GRHL3: variants seen among roughly 807,000 people sequenced by gnomAD.
GRHL3 encodes grainyhead-like protein 3 homolog.
A neutral mutation model predicts 70.3 loss-of-function variants in GRHL3; 20 were observed. That is an observed-to-expected ratio of 0.28 (90% CI 0.20 to 0.41). The LOEUF is 0.41. Ranked by LOEUF, GRHL3 falls within the 10% of genes least tolerant of loss-of-function variation. The probability of loss-of-function intolerance (pLI) is 1.00; values close to 1 mark genes in which losing one functional copy is unlikely to be tolerated. For synonymous variants in GRHL3, 299 were observed against 299.9 expected, an observed-to-expected ratio of 1.00 and a Z score of 0.03; for missense variants, 637 against 762.3, an observed-to-expected ratio of 0.84 and a Z score of 1.94.
At chr1:24,328,968 G>A (rs574892897) in intron 1 of GRHL3, among the ~76,000 whole-genome samples, 27 of 152,196 alleles carry the variant, frequency 1.8e-4, no homozygotes, top group African/African-American at 5.8e-4. Flanking sequence ...CATTAGCTCC[G>A]GGCTGGGCAG....
chr1:24,342,226 C>T lies in GRHL3; in HGVS notation c.1159C>T (p.Arg387Cys), dbSNP rs147284380. The stretch of plus-strand genomic sequence containing the variant: ...CTATGACTGTGGCTTGGGCACTGAG[C>T]GCCTGGTACACCGTGCTGTCTGCCA... ...DTYDCGLGTE[R>C]LVHRAVCQIK... The change falls in exon 9 of 16, where the codon CGC becomes TGC. Residue 387 changes from arginine to cysteine, a missense_variant. By Grantham distance (180) the Arg-to-Cys change is radical. This residue lies in a region of GRHL3 where 387 missense variants were observed against 513.8 expected (regional missense o/e 0.75). Transcript: ENST00000361548. This position sits in a 1 kb window ranked among gnomAD's most constrained non-coding sequence, Gnocchi z 4.8. The T allele has an allele frequency of 1.8e-4, 298 of 1,613,168 alleles. 1 individual carries two copies. In the African/African-American group the frequency reaches 3.0e-3, roughly 16 times the overall value.
downstream of GRHL3, among the ~76,000 whole-genome samples, chr1:24,356,390 C>A (rs959454632): frequency 6.6e-6 from 1 of 152,078 alleles, no homozygotes; most frequent in Non-Finnish European, 1.5e-5. Context: ...CACGTGCCCA[C>A]CACCATGCCC....
chr1:24,361,628 G>A (rs1436659380), intron 15 of GRHL3, among the ~76,000 whole-genome samples: 1 of 152,138 alleles, frequency 6.6e-6, no homozygotes, highest in Non-Finnish European at 1.5e-5. Context: ...TCCTGGGGAG[G>A]CAGGAGGCAG....
chr1:24,319,894 A>G, intron 1 of GRHL3: 1 of 461,018 alleles, frequency 2.2e-6, no homozygotes, highest in Non-Finnish European at 3.8e-6. Flanking sequence ...AGACGACCCC[A>G]ATCCCATCGA....
chr1:24,340,906 AAGCCCCC>A (rs1342150673), intron 8 of GRHL3, among the ~76,000 whole-genome samples: 1 of 151,952 alleles, frequency 6.6e-6, no homozygotes, highest in Non-Finnish European at 1.5e-5. Context: ...ACAGCCTTTT[AAGCCCCC>A]AGGCTTGGGT....
chr1:24,324,515 G>A (rs1291473533), intron 1 of GRHL3, among the ~76,000 whole-genome samples: 1 of 152,214 alleles, frequency 6.6e-6, no homozygotes, highest in Non-Finnish European at 1.5e-5. Flanking sequence ...GTTATGTGCT[G>A]GCACTATGCT....
At chr1:24,337,050 ATTCTCT>A (rs1639846624) in intron 4 of GRHL3, 22 bp from the exon 5 acceptor site, 1 of 1,606,850 alleles carries the variant, frequency 6.2e-7, no homozygotes, top group South Asian at 1.1e-5. Context: ...GTGAGCATTT[ATTCTCT>A]TGGGGCTGTG....
downstream of GRHL3, chr1:24,358,039 C>T (rs1460904836): frequency 1.1e-5 from 4 of 361,362 alleles, no homozygotes; most frequent in Non-Finnish European, 2.2e-5. Context: ...TAGCTTTCGC[C>T]CAGTAGACAT....
intron 15 of GRHL3, among the ~76,000 whole-genome samples, chr1:24,353,454 G>C (rs1345888708): frequency 6.6e-6 from 1 of 150,914 alleles, no homozygotes; most frequent in East Asian, 1.9e-4. Context: ...GTAGATGCCA[G>C]GTAGGTGTGT....
At chr1:24,324,380 C>T (rs1185093850) in intron 1 of GRHL3, among the ~76,000 whole-genome samples, 1 of 152,140 alleles carries the variant, frequency 6.6e-6, no homozygotes, top group East Asian at 1.9e-4. Flanking sequence ...CTCCAAGCAT[C>T]AGGATGATTC....
In GRHL3 at chr1:24,334,583, G is replaced by C; in HGVS notation, c.205-62G>C. On this transcript the variant is annotated intron_variant, in intron 2 of 15. Transcript: ENST00000361548. This position sits in a 1 kb window ranked among gnomAD's most constrained non-coding sequence, Gnocchi z 4.3. ...CTGCCTGGCCAAAGCTGCAGGAGGG[G>C]ATTGAGGCTCCTACCAGCAGAAGCT... is the stretch of plus-strand genomic sequence containing the variant. The C allele has an allele frequency of 7.2e-7, 1 of 1,388,890 alleles. No homozygotes were observed. Among genetic ancestry groups the C allele is most frequent in the South Asian group, 1.2e-5 (1 of 83,780 alleles). The allele number at this position is 1,388,890 out of a possible 1,614,324, so 86.0% of individuals were successfully genotyped here.
At chr1:24,332,477 C>T (rs941645526) in intron 2 of GRHL3, among the ~76,000 whole-genome samples, 2 of 152,198 alleles carry the variant, frequency 1.3e-5, no homozygotes, top group Non-Finnish European at 1.5e-5. Context: ...ACCTCCAGTG[C>T]GTGTGCTAGA....
intron 13 of GRHL3, 126 bp downstream of exon 13, chr1:24,346,767 G>C: frequency 1.4e-6 from 1 of 696,074 alleles, no homozygotes; most frequent in Non-Finnish European, 2.5e-6. Flanking sequence ...GCTAGGTTTA[G>C]GTTAAGACTT....
chr1:24,352,840 A>G (rs1480286641), intron 15 of GRHL3, among the ~76,000 whole-genome samples: 4 of 152,198 alleles, frequency 2.6e-5, no homozygotes, highest in African/African-American at 9.6e-5. Context: ...AGGGGAGCCT[A>G]TGATTACACA....
rs1167230878 is a variant in GRHL3, at chr1:24,337,165, C to T, written c.686+14C>T. 1.3e-5 allele frequency: 21 copies of T among 1,604,010 alleles called. No individual in the cohort carries two copies. The highest frequency in any genetic ancestry group is 1.8e-5 in the Non-Finnish European group (21 of 1,171,434). On this transcript the variant is annotated intron_variant, in intron 5 of 15. Transcript: ENST00000361548. ...CAGCCTCAAAAGGTAACTTGGTCTC[C>T]CTGGACCCTCAGACACCTGGGCAGT...
downstream of GRHL3, chr1:24,355,342 T>G (rs960957157): frequency 2.0e-5 from 3 of 152,564 alleles, no homozygotes; most frequent in African/African-American, 7.2e-5. Flanking sequence ...TCTCGTTCCT[T>G]TTGGGAGAGT....
intron 15 of GRHL3, chr1:24,360,988 G>T: frequency 6.2e-7 from 1 of 1,613,590 alleles, no homozygotes; most frequent in Non-Finnish European, 8.5e-7. Flanking sequence ...TGGGAAAGGT[G>T]GCTTCGGAGG....
chr1:24,331,265 G>A (rs933577498), intron 1 of GRHL3, among the ~76,000 whole-genome samples, 161 bp from the exon 2 acceptor site: 2 of 152,210 alleles, frequency 1.3e-5, no homozygotes, highest in Non-Finnish European at 2.9e-5. Context: ...TCCAGAGTTT[G>A]TGTCCATTCT....
Position 24,362,800 on chromosome 1 carries a change from G to A in GRHL3, c.1695-1385G>A, listed in dbSNP as rs574856833. Among the ~76,000 whole-genome samples the A allele has an allele frequency of 5.3e-5, 8 of 152,332 alleles. No homozygotes were observed. The South Asian group carries it at 1.7e-3, about 32-fold the overall frequency. On this transcript the variant is annotated intron_variant, in intron 15 of 15. Coordinates refer to the GRHL3 transcript ENST00000350501. ...TGTGCTTGGGCTCACATCTTGTGGT[G>A]GAGGAGCAGCTGGCGTGGATGCTTA...
Sources: gnomAD v4.1 joint callset for allele counts (sites outside exome capture counted in the v4.1 genomes callset) on GRCh38, gnomAD v4.1.1 for gene constraint, gnomAD v4.1.1 regional missense constraint, Gnocchi (gnomAD v3.1) non-coding constraint, MANE v1.5 for transcripts, NCBI Gene and HGNC (gene_info 2026-07-23, HGNC 2026-07-21) for gene names.